Variants in RLIM observed in about 807,000 individuals in gnomAD.
The protein encoded by RLIM is ring finger protein, LIM domain interacting, also known as E3 ubiquitin-protein ligase RLIM.
A neutral mutation model predicts 34.0 loss-of-function variants in RLIM; 2 were observed. The observed-to-expected ratio is 0.06, with a 90% CI of 0.02 to 0.19. The LOEUF (loss-of-function observed/expected upper bound fraction) is 0.19. RLIM is among the 10% of genes least tolerant of loss of function. The pLI is 1.00. For synonymous variants in RLIM, 169 were observed against 164.0 expected, an observed-to-expected ratio of 1.03 and a Z score of -0.23; for missense variants, 286 against 479.7, an observed-to-expected ratio of 0.60 and a Z score of 3.77.
In RLIM at chrX:74,584,266, T is replaced by C. The variant is rs906964769; in HGVS notation, c.*7174A>G. ...ATTGCAAATAATCTGCTACTTACTA[T>C]GTGACCTGGGCAAATTACCAAACAT... On this transcript the variant is annotated 3_prime_UTR_variant, in exon 4 of 4. Transcript: ENST00000332687. Among the ~76,000 whole-genome samples, 9 of 111,639 alleles carry C rather than the reference T, an allele frequency of 8.1e-5. No homozygotes were observed. In the East Asian group the frequency reaches 1.7e-3, roughly 21 times the overall value.
At position 74,586,004 on chromosome X, in the gene RLIM, T is replaced by C. The variant is rs1931342188; in HGVS notation, c.*5436A>G. The C allele has an allele frequency of 8.9e-6, 1 of 111,891 alleles. No individual in the cohort carries two copies. Among genetic ancestry groups the C allele is most frequent in the Admixed American group, 9.5e-5 (1 of 10,506 alleles). The allele number at this position is 111,891 out of a possible 1,213,427, so 9.2% of individuals were successfully genotyped here. Reference sequence around the variant, plus strand: ...GGTTCTTATAAGCTTCAGAAAGCTTTCCAAGATTGCTGCCCTGTTCTTTGT... The same window carrying C: ...GGTTCTTATAAGCTTCAGAAAGCTTCCCAAGATTGCTGCCCTGTTCTTTGT... On this transcript the variant is annotated 3_prime_UTR_variant, in exon 4 of 4. Transcript: ENST00000332687.
intron 1 of RLIM, among the ~76,000 whole-genome samples, chrX:74,597,903 T>C (rs866181520): frequency 4.1e-4 from 46 of 112,271 alleles, no homozygotes; most frequent in African/African-American, 1.4e-3. Flanking sequence ...GGATTTATTT[T>C]CTGTGAGAAC....
At chrX:74,607,682 C>A (rs981396171) in intron 1 of RLIM, among the ~76,000 whole-genome samples, 6 of 112,632 alleles carry the variant, frequency 5.3e-5, no homozygotes, top group Non-Finnish European at 9.4e-5. Flanking sequence ...GCACTCCAGC[C>A]TGGGTGACAG....
At chrX:74,607,946 T>C (rs1187912367) in intron 1 of RLIM, among the ~76,000 whole-genome samples, 1 of 112,775 alleles carries the variant, frequency 8.9e-6, no homozygotes, top group Non-Finnish European at 1.9e-5. Context: ...ATTACGTATG[T>C]AGGCACCAAA....
chrX:74,600,125 C>A (rs1247239772), intron 1 of RLIM, among the ~76,000 whole-genome samples: 1 of 110,136 alleles, frequency 9.1e-6, no homozygotes, highest in African/African-American at 3.3e-5. Flanking sequence ...GGGGGGAGAT[C>A]ATAATATTTT....
intron 1 of RLIM, among the ~76,000 whole-genome samples, chrX:74,597,200 A>G (rs2079643440): frequency 8.9e-6 from 1 of 112,134 alleles, no homozygotes; most frequent in African/African-American, 3.2e-5. Context: ...ATTGATGGTG[A>G]GTTAGTGAAA....
At position 74,592,242 on chromosome X, in the gene RLIM, C is replaced by T; in HGVS notation, c.1073G>A (p.Ser358Asn). 5 of 1,211,992 alleles carry T rather than the reference C, an allele frequency of 4.1e-6. No homozygotes were observed. The highest frequency in any genetic ancestry group is 5.6e-6 in the Non-Finnish European group (5 of 895,602). ...TGTACGCCTAAAACCTCCTCGTTCA[C>T]TTTCATAGGTGACAGTGTTGTTTGG... The part of the protein sequence containing the change: ...QTPNNTVTYE[S>N]ERGGFRRTFS... Residue 358 changes from serine (S) to asparagine (N), a missense_variant, in exon 4 of 4, where the codon AGT (serine) becomes AAT (asparagine). Physicochemically the swap from Ser to Asn is conservative, Grantham distance 46. Around this residue, in one of 6 missense-constraint regions of RLIM, gnomAD observed 121 missense variants for 182.4 expected, o/e 0.66. Transcript: ENST00000332687.
chrX:74,601,355 A>G (rs1314525974), intron 1 of RLIM, among the ~76,000 whole-genome samples: 1 of 110,902 alleles, frequency 9.0e-6, no homozygotes. Context: ...AAATGATCCA[A>G]TCTTCAAAAA....
In RLIM at chrX:74,583,939, G is replaced by A. The variant is rs1325906915; in HGVS notation, c.*7501C>T. ...CGGGCGCCTGTAATCCCAGCTACTC[G>A]GGAGGCTGAGGCAGGAGAATCGTTT... is the stretch of plus-strand genomic sequence containing the variant. On this transcript the variant is annotated 3_prime_UTR_variant, in exon 4 of 4. Coordinates refer to ENST00000332687, the MANE Select transcript of RLIM (RefSeq NM_016120.4). 3.6e-5 allele frequency among the ~76,000 whole-genome samples: 4 copies of A among 110,962 alleles called. No individual in the cohort carries two copies. The highest frequency in any genetic ancestry group is 7.6e-5 in the Non-Finnish European group (4 of 52,964).
intron 1 of RLIM, among the ~76,000 whole-genome samples, chrX:74,600,595 T>C (rs1171326565): frequency 9.0e-6 from 1 of 111,272 alleles, no homozygotes; most frequent in Admixed American, 9.6e-5. Context: ...GCTTGAAAAA[T>C]ATAAATCTTC....
rs2079629634 is a variant in RLIM, at chrX:74,594,303, T to C, written c.253+3A>G. 22 of 1,197,453 alleles carry C rather than the reference T, an allele frequency of 1.8e-5. No individual in the cohort carries two copies. The highest frequency in any genetic ancestry group is 2.4e-5 in the Non-Finnish European group (21 of 888,226). On this transcript the variant is annotated splice_donor_region_variant and intron_variant, in intron 3 of 3. Coordinates refer to ENST00000332687, the MANE Select transcript of RLIM (RefSeq NM_016120.4). ...CCACCTCCCCACCAAAACCAAAACA[T>C]ACCTCTATTTTCATCTGAGTTTTGC...
rs917976924 is a variant in RLIM at position 74,600,423 on chromosome X, GA to G, written c.-23-4424del. Among the ~76,000 whole-genome samples the G allele has an allele frequency of 2.6e-4, 28 of 108,723 alleles. No homozygotes were observed. In the East Asian group the frequency reaches 7.4e-3, roughly 29 times the overall value. 94.4% of individuals were successfully genotyped at this position (108,723 alleles called of 115,157 possible). On this transcript the variant is annotated intron_variant, in intron 1 of 3. Transcript: ENST00000332687. ...TTTAAAAATATAGAAAAGCACAAAG[GA>G]AAAAAAAAGTCAGCCATAATTTCTC...
rs1348635859 is a variant in RLIM, at chrX:74,586,852, G to A, written c.*4588C>T. 1 of 112,341 alleles carries A rather than the reference G, an allele frequency of 8.9e-6. No homozygotes were observed. The highest frequency in any genetic ancestry group is 3.2e-5 in the African/African-American group (1 of 30,908). 9.3% of individuals were successfully genotyped at this position (112,341 alleles called of 1,213,427 possible). A position where few individuals can be genotyped will look rare whatever the true frequency, so the allele number is the denominator to read the frequency against. On this transcript the variant is annotated 3_prime_UTR_variant, in exon 4 of 4. Transcript: ENST00000332687. ...CTCACGCCTATAATCCCAGCACTTT[G>A]GGAGAATGAGGCAGGCAAATTGCCT...
intron 1 of RLIM, among the ~76,000 whole-genome samples, chrX:74,610,412 T>A (rs747419866): frequency 5.3e-4 from 54 of 101,860 alleles, no homozygotes; most frequent in Non-Finnish European, 1.0e-3. Context: ...GCAAAACTCG[T>A]CCTGCCCTCC....
intron 1 of RLIM, among the ~76,000 whole-genome samples, chrX:74,599,462 C>A (rs1013710280): frequency 2.7e-5 from 3 of 112,064 alleles, no homozygotes; most frequent in African/African-American, 9.7e-5. Flanking sequence ...GTGCTACTGA[C>A]CAAATGTTTG....
chrX:74,606,805 T>G (rs922350646), intron 1 of RLIM, among the ~76,000 whole-genome samples: 1 of 111,551 alleles, frequency 9.0e-6, no homozygotes. Context: ...GAAATGCCTG[T>G]GTAAAAACCA....
In RLIM at chrX:74,583,222, G is replaced by A; in HGVS notation, c.*8218C>T. 1 of 903,184 alleles carries A rather than the reference G, an allele frequency of 1.1e-6. No homozygotes were observed. Among genetic ancestry groups the A allele is most frequent in the Non-Finnish European group, 1.5e-6 (1 of 648,368 alleles). 74.4% of individuals were successfully genotyped at this position (903,184 alleles called of 1,213,427 possible). On this transcript the variant is annotated 3_prime_UTR_variant, in exon 4 of 4. Coordinates refer to ENST00000332687, the MANE Select transcript of RLIM (RefSeq NM_016120.4). Reference sequence around the variant, plus strand: ...TCTGGAGACTTGAGCATATGAAGAAGTTCTGAATTATCAATCTCCAACAAC... The same window carrying A: ...TCTGGAGACTTGAGCATATGAAGAAATTCTGAATTATCAATCTCCAACAAC...
At chrX:74,609,348 C>T (rs2079696481) in intron 1 of RLIM, among the ~76,000 whole-genome samples, 1 of 107,857 alleles carries the variant, frequency 9.3e-6, no homozygotes, top group Non-Finnish European at 1.9e-5. Flanking sequence ...ATTAGCCAGG[C>T]GTAGTGGTGG....
chrX:74,601,519 C>A (rs1926863), intron 1 of RLIM, among the ~76,000 whole-genome samples: 46,184 of 107,828 alleles, frequency 0.43, 10,225 homozygotes, highest in East Asian at 0.96. Context: ...AAAATACAAA[C>A]CCCCCCCCAA....
Sources: allele counts gnomAD v4.1 joint callset (sites outside exome capture counted in the v4.1 genomes callset), GRCh38; gene constraint gnomAD v4.1.1; regional missense constraint gnomAD v4.1.1; transcripts MANE v1.5; gene names NCBI Gene and HGNC (gene_info 2026-07-23, HGNC 2026-07-21).